The following CD38 variants were observed in gnomAD, a reference collection of about 807,000 sequenced individuals.
CD38 encodes the protein CD38 molecule, also known as ADP-ribosyl cyclase/cyclic ADP-ribose hydrolase 1.
A neutral mutation model predicts 36.3 loss-of-function variants in CD38; 31 were observed. That is an observed-to-expected ratio of 0.85 (90% CI 0.64 to 1.15). The LOEUF (loss-of-function observed/expected upper bound fraction) is 1.15, where lower values mean the gene tolerates loss of function less well. CD38 is among the 50% of genes most tolerant of loss of function. The pLI is 0.00. For missense variants in CD38, 380 were observed against 371.9 expected (o/e 1.02, Z -0.18); for synonymous variants, 131 against 135.2 (o/e 0.97, Z 0.22).
intron 1 of CD38, among the ~76,000 whole-genome samples, chr4:15,791,118 T>C (rs1167569823): frequency 9.1e-6 from 1 of 109,402 alleles, no homozygotes; most frequent in African/African-American, 4.3e-5. Context: ...CGGCCGCCCC[T>C]ACTGGGAAGT....
chr4:15,815,038 C>T (rs1723560606), intron 1 of CD38, among the ~76,000 whole-genome samples: 1 of 152,152 alleles, frequency 6.6e-6, no homozygotes. Context: ...AACTTATCAC[C>T]TCATGATCTG....
At chr4:15,823,831 T>C (rs1723789504) in intron 2 of CD38, among the ~76,000 whole-genome samples, 1 of 152,196 alleles carries the variant, frequency 6.6e-6, no homozygotes, top group South Asian at 2.1e-4. Context: ...GAAATCATTC[T>C]ATTATAAAGA....
At position 15,835,567 on chromosome 4, in the gene CD38, G is replaced by A. The variant is rs534228946; in HGVS notation, c.585+1265G>A. The stretch of plus-strand genomic sequence containing the variant: ...TAATTTTTGTATTTTCAGTAGAGAC[G>A]GAGTTTCACCATGTTGGCCAGGCTG... On this transcript the variant is annotated intron_variant, in intron 4 of 7. Transcript: ENST00000226279. Among the ~76,000 whole-genome samples, 572 of 150,980 alleles carry A rather than the reference G, an allele frequency of 3.8e-3. 7 individuals carry two copies. The highest frequency in any genetic ancestry group is 0.013 in the African/African-American group (541 of 41,164).
At chr4:15,811,627 T>C (rs1415865210) in intron 1 of CD38, among the ~76,000 whole-genome samples, 1 of 151,242 alleles carries the variant, frequency 6.6e-6, no homozygotes, top group Non-Finnish European at 1.5e-5. Context: ...CATTGATCTA[T>C]ATTTCTATCA....
intron 1 of CD38, among the ~76,000 whole-genome samples, chr4:15,782,428 C>A (rs1037130136): frequency 3.3e-5 from 5 of 152,164 alleles, no homozygotes; most frequent in African/African-American, 9.7e-5. Flanking sequence ...TATTTTATTA[C>A]CTTTTATCAA....
chr4:15,835,452 C>A (rs113376772), intron 4 of CD38, among the ~76,000 whole-genome samples: 8,527 of 141,284 alleles, frequency 0.06, 344 homozygotes, highest in East Asian at 0.19. Flanking sequence ...ATCTCGGCTC[C>A]CTGCAACCAC....
rs1724114229 is a variant in CD38, at chr4:15,838,252, C to T, written c.659+87C>T. 2.7e-6 allele frequency: 3 copies of T among 1,102,986 alleles called. No individual in the cohort carries two copies. The Admixed American group carries it at 5.8e-5, about 21-fold the overall frequency. 68.3% of individuals were successfully genotyped at this position (1,102,986 alleles called of 1,614,324 possible). A position where few individuals can be genotyped will look rare whatever the true frequency, so the allele number is the denominator to read the frequency against. ...TCATCTCTAGAAAGAATATGCTTTT[C>T]ATGTTTCAGGTCAGTTCTGAAGATT... On this transcript the variant is annotated intron_variant, in intron 5 of 7. Transcript: ENST00000226279.
At chr4:15,824,477 T>C (rs1723803983) in intron 2 of CD38, among the ~76,000 whole-genome samples, 1 of 152,120 alleles carries the variant, frequency 6.6e-6, no homozygotes, top group African/African-American at 2.4e-5. Flanking sequence ...GAAGGGGTTA[T>C]ATAGTTCTTT....
intron 2 of CD38, among the ~76,000 whole-genome samples, chr4:15,818,467 AAG>A (rs1280847594): frequency 2.0e-5 from 3 of 152,134 alleles, no homozygotes; most frequent in Non-Finnish European, 2.9e-5. Context: ...TGATCCTGAC[AAG>A]AGGGATTCTC....
In CD38 at chr4:15,849,642, C is replaced by CT. The variant is rs1724343958; in HGVS notation, c.*1042dup. 1 of 152,102 alleles carries CT rather than the reference C, an allele frequency of 6.6e-6. No individual in the cohort carries two copies. The highest frequency in any genetic ancestry group is 6.6e-5 in the Admixed American group (1 of 15,260). 9.4% of individuals were successfully genotyped at this position (152,102 alleles called of 1,614,324 possible). Reference sequence around the variant, plus strand: ...TCTCTTTTTTCATGGATTAACCTTGCTTGAGGGCTTTAACAATTGTATTAC... The same window carrying CT: ...TCTCTTTTTTCATGGATTAACCTTGCTTTGAGGGCTTTAACAATTGTATTAC... On this transcript the variant is annotated 3_prime_UTR_variant, in exon 8 of 8. Coordinates refer to ENST00000226279, the MANE Select transcript of CD38 (RefSeq NM_001775.4).
In CD38 at chr4:15,852,519, T is replaced by C. The variant is rs1402773543; in HGVS notation, c.*3917T>C. On this transcript the variant is annotated 3_prime_UTR_variant, in exon 8 of 8. Coordinates refer to ENST00000226279, the MANE Select transcript of CD38 (RefSeq NM_001775.4). Reference sequence around the variant, plus strand: ...ATAGTTTTTAAGTATGACATAAAAATTGTATAAAGTAAAATATTAAAATAC... The same window carrying C: ...ATAGTTTTTAAGTATGACATAAAAACTGTATAAAGTAAAATATTAAAATAC... 1 of 152,238 alleles carries C rather than the reference T, an allele frequency of 6.6e-6. No homozygotes were observed. Among genetic ancestry groups the C allele is most frequent in the Non-Finnish European group, 1.5e-5 (1 of 68,046 alleles). 9.4% of individuals were successfully genotyped at this position (152,238 alleles called of 1,614,324 possible). A position where few individuals can be genotyped will look rare whatever the true frequency, so the allele number is the denominator to read the frequency against.
intron 1 of CD38, among the ~76,000 whole-genome samples, chr4:15,789,868 C>T (rs907497047): frequency 3.9e-5 from 6 of 152,108 alleles, no homozygotes; most frequent in Admixed American, 1.3e-4. Context: ...TCCCCTAAAC[C>T]TTGGACTTTT....
intron 1 of CD38, among the ~76,000 whole-genome samples, chr4:15,805,591 C>T (rs2148919541): frequency 6.6e-6 from 1 of 152,262 alleles, no homozygotes; most frequent in Non-Finnish European, 1.5e-5. Flanking sequence ...CCTAGAAGAA[C>T]AGAGACCTGT....
At chr4:15,821,775 T>A (rs1243513069) in intron 2 of CD38, among the ~76,000 whole-genome samples, 1 of 150,718 alleles carries the variant, frequency 6.6e-6, no homozygotes, top group Non-Finnish European at 1.5e-5. Context: ...GCTGATACCC[T>A]TTCTTCTGAA....
At chr4:15,829,552 A>C (rs1723919195) in intron 3 of CD38, among the ~76,000 whole-genome samples, 1 of 152,190 alleles carries the variant, frequency 6.6e-6, no homozygotes, top group Admixed American at 6.5e-5. Context: ...AATTGAACTT[A>C]TGTGTTGGGC....
intron 1 of CD38, 104 bp from the exon 2 acceptor site, chr4:15,816,400 TACCTGGC>T (rs1723594378): frequency 1.2e-6 from 1 of 828,578 alleles, no homozygotes; most frequent in Admixed American, 2.7e-5. Flanking sequence ...ATGTATGAAC[TACCTGGC>T]ATATAATAGA....
chr4:15,824,522 C>T (rs905936387), intron 2 of CD38, among the ~76,000 whole-genome samples: 6 of 151,686 alleles, frequency 4.0e-5, no homozygotes, highest in Admixed American at 1.3e-4. Context: ...GAAAATAGCA[C>T]GTAGACAAAG....
intron 2 of CD38, among the ~76,000 whole-genome samples, chr4:15,820,414 G>A (rs1490509332): frequency 1.3e-5 from 2 of 152,096 alleles, no homozygotes; most frequent in African/African-American, 4.8e-5. Flanking sequence ...GGATAGTCAA[G>A]ATCAATTGGT....
At chr4:15,835,552 A>AG in intron 4 of CD38, among the ~76,000 whole-genome samples, 1 of 151,262 alleles carries the variant, frequency 6.6e-6, no homozygotes, top group South Asian at 2.1e-4. Context: ...TAATTTTTGT[A>AG]TTTTCAGTAG....
Sources: allele counts gnomAD v4.1 joint callset (sites outside exome capture counted in the v4.1 genomes callset), GRCh38; gene constraint gnomAD v4.1.1; transcripts MANE v1.5; gene names NCBI Gene and HGNC (gene_info 2026-07-23, HGNC 2026-07-21).